Variants in CPAMD8 observed in about 807,000 individuals in gnomAD.
CPAMD8 encodes C3 and PZP-like alpha-2-macroglobulin domain-containing protein 8.
CPAMD8 carries 146 observed loss-of-function variants against 224.7 expected under a neutral mutation model. The observed-to-expected ratio is 0.65, with a 90% CI of 0.57 to 0.75. The LOEUF is 0.75. Among genes scored for constraint, CPAMD8 ranks in the 30% least tolerant of loss-of-function variants. CPAMD8 has a pLI of 0.00. For synonymous variants in CPAMD8, 966 were observed against 1,044.6 expected (o/e 0.92, Z 1.45); for missense variants, 2,301 against 2,537.5 (o/e 0.91, Z 2.00).
At chr19:16,916,628 A>G (rs1011715063) in intron 27 of CPAMD8, among the ~76,000 whole-genome samples, 19 of 151,716 alleles carry the variant, frequency 1.3e-4, no homozygotes, top group African/African-American at 4.6e-4. Context: ...AATCCCAGCT[A>G]CTCGGGAGGC....
chr19:16,897,761 G>C lies in CPAMD8; in HGVS notation c.4995C>G (p.Ser1665Arg). 1 of 1,584,108 alleles carries C rather than the reference G, an allele frequency of 6.3e-7. No homozygotes were observed. Among genetic ancestry groups the C allele is most frequent in the African/African-American group, 1.3e-5 (1 of 74,410 alleles). The change falls in exon 39 of 42, where the codon AGC (serine) becomes AGG (arginine). Residue 1665 changes from serine to arginine, a missense_variant. Ser to Arg is a moderately radical substitution (Grantham distance 110). Coordinates refer to ENST00000443236, the MANE Select transcript of CPAMD8 (RefSeq NM_015692.5). ...CGGCGCACAGTTCCCGGGCGAGTGG[G>C]CTGTGGGTGCTGACGTTGTAGAAGC... ...ATRFYNVSTH[S>R]PLARELCAGP...
rs974885758 is a variant in CPAMD8 at position 16,906,439 on chromosome 19, T to C, written c.4027+513A>G. On this transcript the variant is annotated intron_variant, in intron 30 of 41. Transcript: ENST00000443236. ...CCTTCCTTCCTTCCTTCCTTCCTTC[T>C]TTTCTTTCTCTTTCTTTCTAATGGC... Among the ~76,000 whole-genome samples, 81 of 137,198 alleles carry C rather than the reference T, an allele frequency of 5.9e-4. 1 individual carries two copies. The highest frequency in any genetic ancestry group is 9.7e-4 in the Non-Finnish European group (62 of 64,146). The allele number at this position is 137,198 out of a possible 152,430, so 90.0% of individuals were successfully genotyped here. A position where few individuals can be genotyped will look rare whatever the true frequency, so the allele number is the denominator to read the frequency against.
Position 16,914,707 on chromosome 19 carries a change from C to CCTG in CPAMD8, c.3733_3735dup (p.Gln1245dup). The CCTG allele has an allele frequency of 1.2e-6, 2 of 1,614,140 alleles. No individual in the cohort carries two copies. Among genetic ancestry groups the CCTG allele is most frequent in the South Asian group, 2.2e-5 (2 of 91,086 alleles). On this transcript the variant is annotated inframe_insertion, in exon 28 of 42. Coordinates refer to ENST00000443236, the MANE Select transcript of CPAMD8 (RefSeq NM_015692.5). Reference sequence around the variant, plus strand: ...CCCACGGCCAGGAAGGAGCCATCGGCCTGCTGCTGCTGGATGATCCAGCTC... The same window carrying CCTG: ...CCCACGGCCAGGAAGGAGCCATCGGCCTGCTGCTGCTGCTGGATGATCCAGCTC...
chr19:16,903,950 C>A (rs2052365505), intron 32 of CPAMD8, 93 bp from the exon 33 acceptor site: 2 of 1,288,586 alleles, frequency 1.6e-6, no homozygotes, highest in South Asian at 1.3e-5. Flanking sequence ...CTAAAACAGG[C>A]ACCAACGGGG....
intron 13 of CPAMD8, among the ~76,000 whole-genome samples, chr19:16,982,194 G>T (rs2055538774): frequency 6.6e-6 from 1 of 151,956 alleles, no homozygotes; most frequent in Non-Finnish European, 1.5e-5. Flanking sequence ...AGGAGTTCAA[G>T]ACCCGCCACA....
intron 25 of CPAMD8, among the ~76,000 whole-genome samples, chr19:16,925,756 A>AT (rs1491345579): frequency 3.8e-5 from 5 of 130,932 alleles, no homozygotes; most frequent in African/African-American, 1.3e-4. Flanking sequence ...TCTTTCTAAA[A>AT]TATTTTTTTT....
intron 17 of CPAMD8, among the ~76,000 whole-genome samples, chr19:16,972,113 G>A (rs578073423): frequency 1.1e-3 from 161 of 152,232 alleles, no homozygotes; most frequent in South Asian, 2.3e-3. Context: ...ATCAGTTGGC[G>A]CAGTACCTGA....
chr19:16,994,351 A>T lies in CPAMD8; in HGVS notation c.1096-765T>A, dbSNP rs1381693638. Among the ~76,000 whole-genome samples the T allele has an allele frequency of 2.0e-5, 3 of 152,154 alleles. No individual in the cohort carries two copies. The East Asian group carries it at 5.8e-4, about 29-fold the overall frequency. On this transcript the variant is annotated intron_variant, in intron 11 of 41. Transcript: ENST00000443236. ...TCAGTGTGACACTTAAACCTCACCCATTCAGACTGGTTGGAGAGCCAGCTA... is the reference window on the plus strand; with the variant it reads ...TCAGTGTGACACTTAAACCTCACCCTTTCAGACTGGTTGGAGAGCCAGCTA...
At chr19:16,946,891 C>G (rs941967675) in intron 21 of CPAMD8, among the ~76,000 whole-genome samples, 183 bp downstream of exon 21, 3 of 152,130 alleles carry the variant, frequency 2.0e-5, no homozygotes, top group African/African-American at 7.2e-5. Context: ...CAGGGCTTGC[C>G]TCCCCACTCC....
At chr19:17,002,113 C>G (rs1475954570) in intron 9 of CPAMD8, among the ~76,000 whole-genome samples, 153 bp downstream of exon 9, 2 of 150,642 alleles carry the variant, frequency 1.3e-5, no homozygotes, top group Non-Finnish European at 3.0e-5. Flanking sequence ...GGGAGGGGCA[C>G]ACCCCAGGGA....
At chr19:17,009,751 G>A (rs2123124956) in intron 5 of CPAMD8, among the ~76,000 whole-genome samples, 1 of 151,796 alleles carries the variant, frequency 6.6e-6, no homozygotes, top group Non-Finnish European at 1.5e-5. Flanking sequence ...TCCAGCCTGG[G>A]TGACACAGCG....
At chr19:17,014,582 C>A (rs572661367) in intron 3 of CPAMD8, among the ~76,000 whole-genome samples, 3 of 152,014 alleles carry the variant, frequency 2.0e-5, no homozygotes, top group Non-Finnish European at 2.9e-5. Context: ...ACAATCATGG[C>A]GAAAGGTGAA....
At chr19:16,987,169 AAAAAAAAAAAATATATAT>A (rs2055756609) in intron 13 of CPAMD8, among the ~76,000 whole-genome samples, 1 of 97,026 alleles carries the variant, frequency 1.0e-5, no homozygotes, top group Non-Finnish European at 1.9e-5. Context: ...AAAAAAAAAA[AAAAAAAAAAAATATATAT>A]ATATATATAT....
At chr19:16,984,333 AGAG>A (rs1568562613) in intron 13 of CPAMD8, among the ~76,000 whole-genome samples, 140 of 88,802 alleles carry the variant, frequency 1.6e-3, no homozygotes, top group African/African-American at 6.6e-3. Context: ...AAAAAAAAAG[AGAG>A]AGAGAGAGAG....
At chr19:16,921,813 C>T (rs1029836179) in intron 27 of CPAMD8, 92 bp downstream of exon 27, 12 of 787,702 alleles carry the variant, frequency 1.5e-5, no homozygotes, top group Middle Eastern at 2.3e-4. Flanking sequence ...GGGGATCAGG[C>T]GCCAAGTGAT....
At chr19:16,984,600 A>G (rs914030764) in intron 13 of CPAMD8, among the ~76,000 whole-genome samples, 1 of 152,206 alleles carries the variant, frequency 6.6e-6, no homozygotes, top group African/African-American at 2.4e-5. Context: ...CAGGAAAGTG[A>G]AAAGATAACC....
In CPAMD8 at chr19:16,897,690, C is replaced by T. The variant is rs1446531326; in HGVS notation, c.5065+1G>A. On this transcript the variant is annotated splice_donor_variant, in intron 39 of 41. Coordinates refer to ENST00000443236, the MANE Select transcript of CPAMD8 (RefSeq NM_015692.5). LOFTEE classifies it high-confidence loss of function. ...GGGCGGCAGTGGCTCCGCGCACTCA[C>T]CCGGGCCCCGGGCAGGGGCGCGCTC... 5.3e-6 allele frequency: 8 copies of T among 1,512,864 alleles called. No individual in the cohort carries two copies. Among genetic ancestry groups the T allele is most frequent in the African/African-American group, 1.4e-5 (1 of 70,910 alleles). The allele number at this position is 1,512,864 out of a possible 1,614,324, so 93.7% of individuals were successfully genotyped here.
At chr19:16,911,972 C>T (rs1337773792) in intron 29 of CPAMD8, among the ~76,000 whole-genome samples, 4 of 152,158 alleles carry the variant, frequency 2.6e-5, no homozygotes, top group Non-Finnish European at 2.9e-5. Context: ...AACCACTGCA[C>T]CCAGCTGGTT....
chr19:16,989,575 C>A (rs1490514185), intron 13 of CPAMD8, 68 bp downstream of exon 13: 1 of 1,556,040 alleles, frequency 6.4e-7, no homozygotes, highest in Non-Finnish European at 8.7e-7. Flanking sequence ...GCATGAGCCA[C>A]AGCACCTGGC....
Sources: allele counts gnomAD v4.1 joint callset (sites outside exome capture counted in the v4.1 genomes callset), GRCh38; gene constraint gnomAD v4.1.1; transcripts MANE v1.5; gene names NCBI Gene and HGNC (gene_info 2026-07-23, HGNC 2026-07-21).